PACRG: variants seen among roughly 807,000 people sequenced by gnomAD.
PACRG encodes parkin coregulated.
PACRG carries 29 observed loss-of-function variants against 29.7 expected under a neutral mutation model. That is an observed-to-expected ratio of 0.98 (90% CI 0.73 to 1.33). The LOEUF (loss-of-function observed/expected upper bound fraction) is 1.33. PACRG is among the 40% of genes most tolerant of loss of function. PACRG has a pLI of 0.00. For synonymous variants in PACRG, 116 were observed against 118.7 expected (o/e 0.98, Z 0.15); for missense variants, 279 against 316.2 (o/e 0.88, Z 0.89).
chr6:162,998,333 C>A (rs1368912811), intron 2 of PACRG, among the ~76,000 whole-genome samples: 1 of 152,120 alleles, frequency 6.6e-6, no homozygotes, highest in East Asian at 1.9e-4. Context: ...AACTCAGGAT[C>A]TCCAGGACTG....
At chr6:162,806,502 G>C (rs1235581400) in intron 1 of PACRG, among the ~76,000 whole-genome samples, 1 of 151,976 alleles carries the variant, frequency 6.6e-6, no homozygotes, top group Non-Finnish European at 1.5e-5. Context: ...TGTGTAAGCA[G>C]GGATGAAAAC....
chr6:163,169,657 G>A (rs1778977075), intron 4 of PACRG, among the ~76,000 whole-genome samples: 1 of 152,240 alleles, frequency 6.6e-6, no homozygotes, highest in African/African-American at 2.4e-5. Flanking sequence ...TTAGGAATTA[G>A]CAGGAGGAGT....
At chr6:162,738,693 C>A (rs1340234563) in intron 1 of PACRG, among the ~76,000 whole-genome samples, 1 of 152,116 alleles carries the variant, frequency 6.6e-6, no homozygotes. Flanking sequence ...AATATTTTAA[C>A]TGTGGTAGTT....
Position 162,881,846 on chromosome 6 carries a change from G to C in PACRG, c.291+67565G>C, listed in dbSNP as rs909737057. Among the ~76,000 whole-genome samples the C allele has an allele frequency of 2.8e-5, 4 of 144,878 alleles. No individual in the cohort carries two copies. In the South Asian group the frequency reaches 6.9e-4, roughly 25 times the overall value. On this transcript the variant is annotated intron_variant, in intron 2 of 4. Transcript: ENST00000366888. ...AAGACCAGAGACTGGGGCAGGGTGCGCTCTCCACCAAGACCAGAGACCAGG... is the reference window on the plus strand; with the variant it reads ...AAGACCAGAGACTGGGGCAGGGTGCCCTCTCCACCAAGACCAGAGACCAGG...
intron 2 of PACRG, among the ~76,000 whole-genome samples, chr6:162,832,077 C>T (rs183836948): frequency 5.4e-4 from 82 of 152,316 alleles, no homozygotes; most frequent in Middle Eastern, 3.4e-3. Flanking sequence ...TTTGAGGAAT[C>T]ACCACACTGT....
chr6:163,279,739 A>G (rs1178550342), intron 4 of PACRG, among the ~76,000 whole-genome samples: 1 of 151,884 alleles, frequency 6.6e-6, no homozygotes, highest in Non-Finnish European at 1.5e-5. Flanking sequence ...TCTTTCCTGT[A>G]TTTTTTTCTT....
At chr6:163,091,098 TG>T (rs1257058527) in intron 4 of PACRG, among the ~76,000 whole-genome samples, 6 of 152,228 alleles carry the variant, frequency 3.9e-5, no homozygotes, top group Admixed American at 3.3e-4. Flanking sequence ...TTAATGCTTT[TG>T]TTGGTCACAC....
At chr6:163,277,494 TACACACATACACACACACACACATATAC>T (rs1784077250) in intron 4 of PACRG, among the ~76,000 whole-genome samples, 1 of 73,440 alleles carries the variant, frequency 1.4e-5, no homozygotes, top group African/African-American at 6.2e-5. Context: ...TATATATATA[TACACACATACACACACACACACATATAC>T]ACATATATAC....
intron 4 of PACRG, among the ~76,000 whole-genome samples, chr6:163,149,076 CCAGGCCCTGCAGGGCCGTG>C (rs796772653): frequency 3.3e-5 from 5 of 150,102 alleles, no homozygotes; most frequent in African/African-American, 1.2e-4. Flanking sequence ...GAAACAGTTT[CCAGGCCCTGCAGGGCCGTG>C]GCTGGCTTCC....
intron 4 of PACRG, among the ~76,000 whole-genome samples, chr6:163,239,629 C>A (rs1782381752): frequency 6.6e-6 from 1 of 151,546 alleles, no homozygotes; most frequent in African/African-American, 2.4e-5. Flanking sequence ...ATTGCCCCTC[C>A]TGCTCCCACG....
intron 2 of PACRG, among the ~76,000 whole-genome samples, chr6:162,990,061 C>A (rs544728740): frequency 1.3e-5 from 2 of 150,640 alleles, no homozygotes; most frequent in Non-Finnish European, 3.0e-5. Flanking sequence ...CTACAAAGGA[C>A]ATGAACTCAT....
At chr6:163,171,650 T>G (rs1779091568) in intron 4 of PACRG, among the ~76,000 whole-genome samples, 1 of 152,158 alleles carries the variant, frequency 6.6e-6, no homozygotes, top group Non-Finnish European at 1.5e-5. Flanking sequence ...CCCCAGTTTC[T>G]CATGAGAGTA....
At chr6:163,180,617 T>A (rs1779607168) in intron 4 of PACRG, among the ~76,000 whole-genome samples, 1 of 152,060 alleles carries the variant, frequency 6.6e-6, no homozygotes, top group Admixed American at 6.6e-5. Flanking sequence ...ACAGTGATAC[T>A]CTGTCTCAAA....
intron 3 of PACRG, among the ~76,000 whole-genome samples, chr6:163,075,210 G>C (rs1267579288): frequency 6.6e-6 from 1 of 151,952 alleles, no homozygotes; most frequent in Non-Finnish European, 1.5e-5. Context: ...TAGAAAATAA[G>C]TTAAAATACA....
At chr6:163,021,774 G>T (rs1473525635) in intron 2 of PACRG, among the ~76,000 whole-genome samples, 2 of 152,094 alleles carry the variant, frequency 1.3e-5, no homozygotes, top group East Asian at 3.9e-4. Flanking sequence ...ATTCACCATG[G>T]TTTCCATCAT....
At chr6:162,999,170 T>C (rs1220438578) in intron 2 of PACRG, among the ~76,000 whole-genome samples, 1 of 152,162 alleles carries the variant, frequency 6.6e-6, no homozygotes, top group Non-Finnish European at 1.5e-5. Context: ...CCCAAATAAT[T>C]ATGGGCAGAA....
Position 163,314,792 on chromosome 6 carries a change from AGTAACTGGCCTCTTT to A in PACRG, c.614-32_614-18del, listed in dbSNP as rs769078466. On this transcript the variant is annotated intron_variant, in intron 4 of 4. Transcript: ENST00000366888. Reference sequence around the variant, plus strand: ...AGGACTTTTCGGGAAATTGCAGAGAAGTAACTGGCCTCTTTGTGTGTTTGCATGCACCAGTGAACT... The same window carrying A: ...AGGACTTTTCGGGAAATTGCAGAGAAGTGTGTTTGCATGCACCAGTGAACT... The A allele has an allele frequency of 6.2e-6, 10 of 1,604,886 alleles. No individual in the cohort carries two copies. The East Asian group carries it at 1.6e-4, about 25-fold the overall frequency.
intron 4 of PACRG, among the ~76,000 whole-genome samples, chr6:163,236,422 T>A (rs1199862212): frequency 6.6e-6 from 1 of 152,222 alleles, no homozygotes; most frequent in Non-Finnish European, 1.5e-5. Flanking sequence ...GAGTTGAATC[T>A]CTTCTACGTA....
At chr6:163,276,220 G>A (rs1276925183) in intron 4 of PACRG, among the ~76,000 whole-genome samples, 1 of 151,926 alleles carries the variant, frequency 6.6e-6, no homozygotes, top group Admixed American at 6.6e-5. Flanking sequence ...TAGAGATGGG[G>A]TTTTGCCATA....
Sources: allele counts gnomAD v4.1 joint callset (sites outside exome capture counted in the v4.1 genomes callset), GRCh38; gene constraint gnomAD v4.1.1; transcripts MANE v1.5; gene names NCBI Gene and HGNC (gene_info 2026-07-23, HGNC 2026-07-21).